The following FMNL2 variants were observed in gnomAD, a reference collection of about 807,000 sequenced individuals.
The protein encoded by FMNL2 is formin like 2.
A neutral mutation model predicts 130.2 loss-of-function variants in FMNL2; 51 were observed. That is an observed-to-expected ratio of 0.39 (90% CI 0.31 to 0.49). The LOEUF (loss-of-function observed/expected upper bound fraction) is 0.49, where lower values mean the gene tolerates loss of function less well. FMNL2 is among the 20% of genes least tolerant of loss of function. The pLI is 0.85. For missense variants in FMNL2, 977 were observed against 1,316.2 expected (o/e 0.74, Z 3.99); for synonymous variants, 465 against 467.1 (o/e 1.00, Z 0.06).
rs796954245 is a variant in FMNL2, at chr2:152,375,877, C to CTCTATATATATATATATA, written c.117+40158_117+40159insCTATATATATATATATAT. Among the ~76,000 whole-genome samples the CTCTATATATATATATATA allele has an allele frequency of 3.1e-4, 35 of 112,476 alleles. 1 individual carries two copies. In the East Asian group the frequency reaches 3.8e-3, roughly 12 times the overall value. The allele number at this position is 112,476 out of a possible 152,430, so 73.8% of individuals were successfully genotyped here. On this transcript the variant is annotated intron_variant, in intron 1 of 25. Coordinates refer to ENST00000288670, the MANE Select transcript of FMNL2 (RefSeq NM_052905.4). The stretch of plus-strand genomic sequence containing the variant: ...TCTCTCTCTCTCTCTCTCTCTCTCT[C>CTCTATATATATATATATA]TATATATATATATATATATAATTAT...
At chr2:152,344,975 C>G (rs1199026161) in intron 1 of FMNL2, among the ~76,000 whole-genome samples, 2 of 152,176 alleles carry the variant, frequency 1.3e-5, no homozygotes, top group Non-Finnish European at 2.9e-5. Flanking sequence ...ATGCAAGACT[C>G]TAGTTATTTC....
At chr2:152,643,948 G>C (rs1392901374) in intron 25 of FMNL2, 13 of 946,900 alleles carry the variant, frequency 1.4e-5, no homozygotes, top group African/African-American at 1.8e-5. Flanking sequence ...ACTGTGTTCA[G>C]GTTGGATGCA....
chr2:152,522,092 A>G, intron 2 of FMNL2, 66 bp downstream of exon 2: 2 of 1,299,936 alleles, frequency 1.5e-6, no homozygotes, highest in South Asian at 1.3e-5. Flanking sequence ...TGTGAATTTT[A>G]TGGTATGTCA....
chr2:152,558,695 T>A, intron 4 of FMNL2, 45 bp from the exon 5 acceptor site: 1 of 1,534,906 alleles, frequency 6.5e-7, no homozygotes. Flanking sequence ...TGGCAGGTCA[T>A]GTGATCAATT....
At chr2:152,370,354 C>T (rs1171054374) in intron 1 of FMNL2, among the ~76,000 whole-genome samples, 2 of 152,220 alleles carry the variant, frequency 1.3e-5, no homozygotes, top group Non-Finnish European at 2.9e-5. Flanking sequence ...TTCATGAAGA[C>T]TCTGCTGTCA....
At chr2:152,647,371 G>A (rs190944630) in intron 25 of FMNL2, among the ~76,000 whole-genome samples, 1 of 152,142 alleles carries the variant, frequency 6.6e-6, no homozygotes, top group Non-Finnish European at 1.5e-5. Context: ...AAAACTGCGA[G>A]GAAAAGATGG....
At chr2:152,504,701 G>A (rs972098433) in intron 1 of FMNL2, among the ~76,000 whole-genome samples, 1 of 152,148 alleles carries the variant, frequency 6.6e-6, no homozygotes, top group Non-Finnish European at 1.5e-5. Flanking sequence ...TGAGGCACTT[G>A]TTTATCAGTA....
chr2:152,418,114 A>G (rs796079926), intron 1 of FMNL2, among the ~76,000 whole-genome samples: 77 of 152,278 alleles, frequency 5.1e-4, no homozygotes, highest in African/African-American at 1.8e-3. Context: ...CCAAACTGCT[A>G]GGATTACAGG....
At chr2:152,500,706 G>A (rs1176895945) in intron 1 of FMNL2, among the ~76,000 whole-genome samples, 1 of 152,134 alleles carries the variant, frequency 6.6e-6, no homozygotes, top group Non-Finnish European at 1.5e-5. Flanking sequence ...AAATTAGCTG[G>A]GTGTGGTGGC....
At chr2:152,359,208 A>C (rs371095645) in intron 1 of FMNL2, among the ~76,000 whole-genome samples, 6 of 152,236 alleles carry the variant, frequency 3.9e-5, no homozygotes, top group African/African-American at 1.4e-4. Context: ...TGGAAAGCTT[A>C]ATATAATAGC....
intron 1 of FMNL2, among the ~76,000 whole-genome samples, chr2:152,350,112 G>A (rs923835433): frequency 2.6e-5 from 4 of 152,184 alleles, no homozygotes; most frequent in African/African-American, 4.8e-5. Flanking sequence ...AATGGGATAT[G>A]TGAAGTGGTG....
At chr2:152,475,151 C>T (rs1005977533) in intron 1 of FMNL2, among the ~76,000 whole-genome samples, 1 of 152,170 alleles carries the variant, frequency 6.6e-6, no homozygotes, top group Admixed American at 6.5e-5. Flanking sequence ...AAACTGGTAA[C>T]TGCTATTCAA....
At chr2:152,524,311 T>A (rs1414355575) in intron 2 of FMNL2, among the ~76,000 whole-genome samples, 1 of 152,194 alleles carries the variant, frequency 6.6e-6, no homozygotes, top group Non-Finnish European at 1.5e-5. Flanking sequence ...TGCCTCTTGG[T>A]CCTTTCCTGA....
At chr2:152,520,921 C>A (rs1693054321) in intron 1 of FMNL2, among the ~76,000 whole-genome samples, 1 of 152,146 alleles carries the variant, frequency 6.6e-6, no homozygotes, top group Non-Finnish European at 1.5e-5. Context: ...AAGACCTTTG[C>A]ATTTGTCTGC....
intron 1 of FMNL2, among the ~76,000 whole-genome samples, chr2:152,403,075 G>C (rs1414063957): frequency 1.3e-5 from 2 of 152,110 alleles, no homozygotes; most frequent in Non-Finnish European, 2.9e-5. Flanking sequence ...TTGTTTTTCT[G>C]TGGCGATTCA....
rs182692786 is a variant in FMNL2 at position 152,486,866 on chromosome 2, T to C, written c.118-35077T>C. Among the ~76,000 whole-genome samples the C allele has an allele frequency of 3.8e-4, 58 of 152,358 alleles. 1 individual carries two copies. Among genetic ancestry groups the C allele is most frequent in the African/African-American group, 1.4e-3 (58 of 41,588 alleles). On this transcript the variant is annotated intron_variant, in intron 1 of 25. Transcript: ENST00000288670. The stretch of plus-strand genomic sequence containing the variant: ...GGCCTTGTTAGTTACGTAATCCTAC[T>C]ATTTGAGGGTTTAGGAATATTCTAG...
At chr2:152,643,646 G>T in intron 25 of FMNL2, 1 of 1,467,148 alleles carries the variant, frequency 6.8e-7, no homozygotes, top group East Asian at 2.5e-5. Context: ...GTTATATTTT[G>T]TGTTGTTCTC....
chr2:152,398,312 G>A (rs180919662), intron 1 of FMNL2, among the ~76,000 whole-genome samples: 2 of 152,226 alleles, frequency 1.3e-5, no homozygotes, highest in Non-Finnish European at 2.9e-5. Context: ...TGAGTTACAC[G>A]ACTTAAGGCT....
intron 14 of FMNL2, 87 bp from the exon 15 acceptor site, chr2:152,619,422 T>C: frequency 1.3e-6 from 2 of 1,531,820 alleles, no homozygotes; most frequent in Non-Finnish European, 1.8e-6. Context: ...GTGTGTTGTT[T>C]TCAGATGGCT....
Sources: gnomAD v4.1 joint callset for allele counts (sites outside exome capture counted in the v4.1 genomes callset) on GRCh38, gnomAD v4.1.1 for gene constraint, MANE v1.5 for transcripts, NCBI Gene and HGNC (gene_info 2026-07-23, HGNC 2026-07-21) for gene names.